Variants in CAPRIN2 observed in about 807,000 individuals in gnomAD.
The protein encoded by CAPRIN2 is caprin-2.
In CAPRIN2, 66 loss-of-function variants were observed where a neutral mutation model predicts 130.4. That is an observed-to-expected ratio of 0.51 (90% CI 0.42 to 0.62). The LOEUF (loss-of-function observed/expected upper bound fraction) is 0.62, where lower values mean the gene tolerates loss of function less well. Among genes scored for constraint, CAPRIN2 ranks in the 20% least tolerant of loss-of-function variants. CAPRIN2 has a pLI of 0.00. For missense variants in CAPRIN2, 1,185 were observed against 1,246.6 expected (o/e 0.95, Z 0.74); for synonymous variants, 471 against 444.1 (o/e 1.06, Z -0.76).
chr12:30,727,332 C>T (rs1369612511), intron 8 of CAPRIN2, among the ~76,000 whole-genome samples: 1 of 152,056 alleles, frequency 6.6e-6, no homozygotes, highest in Non-Finnish European at 1.5e-5. Flanking sequence ...AGCAAAATAG[C>T]CAAATAACTC....
At chr12:30,720,754 A>G in intron 12 of CAPRIN2, 57 bp downstream of exon 13, 1 of 981,266 alleles carries the variant, frequency 1.0e-6, no homozygotes, top group South Asian at 1.3e-5. Flanking sequence ...TTCATAAGAT[A>G]AACTGGTTCT....
At chr12:30,730,787 C>G (rs2062422105) in intron 6 of CAPRIN2, among the ~76,000 whole-genome samples, 1 of 152,174 alleles carries the variant, frequency 6.6e-6, no homozygotes, top group Non-Finnish European at 1.5e-5. Flanking sequence ...TTATGGCTAC[C>G]AGAACCCTGC....
intron 9 of CAPRIN2, 104 bp from the exon 11 acceptor site, chr12:30,724,555 A>C: frequency 1.3e-6 from 1 of 750,982 alleles, no homozygotes; most frequent in Non-Finnish European, 2.3e-6. Context: ...TTAGCTACAC[A>C]TAAATATCTA....
At chr12:30,724,245 C>A in intron 10 of CAPRIN2, 125 bp downstream of exon 11, 2 of 643,812 alleles carry the variant, frequency 3.1e-6, no homozygotes, top group South Asian at 3.7e-5. Context: ...CAGATGGATA[C>A]AGTTAGAATA....
At chr12:30,751,981 C>T (rs963237675) in intron 1 of CAPRIN2, among the ~76,000 whole-genome samples, 1 of 141,954 alleles carries the variant, frequency 7.0e-6, no homozygotes, top group African/African-American at 2.6e-5. Flanking sequence ...TGCAGTGTCG[C>T]GATCTCGGCA....
intron 2 of CAPRIN2, among the ~76,000 whole-genome samples, chr12:30,749,777 T>C (rs1268669387): frequency 1.3e-5 from 2 of 152,164 alleles, no homozygotes; most frequent in Admixed American, 6.5e-5. Context: ...GCAATATAAA[T>C]TGGGCAGCTG....
chr12:30,727,810 T>TA (rs1298034402), intron 8 of CAPRIN2, among the ~76,000 whole-genome samples: 7 of 152,160 alleles, frequency 4.6e-5, no homozygotes, highest in African/African-American at 1.7e-4. Flanking sequence ...GAAATGGAAA[T>TA]AGAGAACTAA....
chr12:30,723,286 T>A, exon 11 of CAPRIN2: 1 of 1,612,472 alleles, frequency 6.2e-7, no homozygotes, highest in Non-Finnish European at 8.5e-7. Context: ...GAAAATCACT[T>A]TGACTGGACA....
In CAPRIN2 at chr12:30,728,897, A is replaced by AG. The variant is rs767622657; in HGVS notation, c.1532dup (p.Pro512SerfsTer24). ...GCATGGAAGGTGTCCAAGACTTTGG[A>AG]GTTTGCTTCTTTGGATCTTGTTCTT... On this transcript the variant is annotated frameshift_variant, in exon 8 of 17. Coordinates refer to ENST00000298892, the Ensembl canonical transcript of CAPRIN2. LOFTEE classifies it high-confidence loss of function. 6.2e-7 allele frequency: 1 copy of AG among 1,613,888 alleles called. No individual in the cohort carries two copies. Among genetic ancestry groups the AG allele is most frequent in the South Asian group, 1.1e-5 (1 of 91,068 alleles).
intron 9 of CAPRIN2, 70 bp downstream of exon 10, chr12:30,725,896 T>A: frequency 7.6e-7 from 1 of 1,315,956 alleles, no homozygotes; most frequent in African/African-American, 1.5e-5. Context: ...ATGCTCTTAA[T>A]AATTTCACTG....
intron 7 of CAPRIN2, 50 bp downstream of exon 8, chr12:30,730,189 T>C (rs1248347900): frequency 2.7e-6 from 4 of 1,474,408 alleles, no homozygotes; most frequent in Admixed American, 3.4e-5. Context: ...CATAACCCTA[T>C]GCAAAAGGCT....
intron 3 of CAPRIN2, among the ~76,000 whole-genome samples, chr12:30,739,025 C>T (rs2066115341): frequency 6.6e-6 from 1 of 152,176 alleles, no homozygotes; most frequent in Non-Finnish European, 1.5e-5. Flanking sequence ...ACCAGAACCA[C>T]CATTTGACCC....
chr12:30,747,362 T>C (rs2071083500), intron 2 of CAPRIN2, among the ~76,000 whole-genome samples: 1 of 152,118 alleles, frequency 6.6e-6, no homozygotes, highest in Non-Finnish European at 1.5e-5. Flanking sequence ...CAAGGAGTAA[T>C]TTTGACTTTC....
At chr12:30,753,694 A>C in exon 1 of CAPRIN2, 1 of 1,613,950 alleles carries the variant, frequency 6.2e-7, no homozygotes, top group Non-Finnish European at 8.5e-7. Flanking sequence ...AGTCTAGACC[A>C]CTCCCTTAAA....
chr12:30,742,396 G>A (rs1401303824), intron 2 of CAPRIN2, among the ~76,000 whole-genome samples: 3 of 151,932 alleles, frequency 2.0e-5, no homozygotes, highest in African/African-American at 7.3e-5. Flanking sequence ...TCATGAGCAT[G>A]TCCTACAGCC....
At chr12:30,747,721 C>G (rs1019752981) in intron 2 of CAPRIN2, among the ~76,000 whole-genome samples, 1 of 151,780 alleles carries the variant, frequency 6.6e-6, no homozygotes, top group Non-Finnish European at 1.5e-5. Context: ...AAGGCTAGAG[C>G]TGCCATAGAT....
intron 2 of CAPRIN2, among the ~76,000 whole-genome samples, chr12:30,747,044 A>G (rs903881527): frequency 6.6e-6 from 1 of 152,128 alleles, no homozygotes; most frequent in African/African-American, 2.4e-5. Flanking sequence ...AATGCAGCTG[A>G]TGACTTTAAG....
exon 1 of CAPRIN2, chr12:30,753,829 A>C: frequency 6.9e-7 from 1 of 1,455,394 alleles, no homozygotes; most frequent in Non-Finnish European, 9.2e-7. Context: ...AAAATCTCCC[A>C]ATACGGAGGA....
At chr12:30,728,468 T>G in intron 8 of CAPRIN2, 180 bp downstream of exon 9, 1 of 550,924 alleles carries the variant, frequency 1.8e-6, no homozygotes, top group East Asian at 3.1e-5. Context: ...GGCAAGAGAA[T>G]CGCTTGAATC....
Sources: gnomAD v4.1 joint callset for allele counts (sites outside exome capture counted in the v4.1 genomes callset) on GRCh38, gnomAD v4.1.1 for gene constraint, MANE v1.5 for transcripts, NCBI Gene and HGNC (gene_info 2026-07-23, HGNC 2026-07-21) for gene names.